ATAD3B: variants seen among roughly 807,000 people sequenced by gnomAD.
ATAD3B encodes ATPase family AAA domain containing 3B.
A neutral mutation model predicts 70.2 loss-of-function variants in ATAD3B; 59 were observed. The observed-to-expected ratio is 0.84, with a 90% confidence interval of 0.68 to 1.04. ATAD3B has a LOEUF of 1.04. ATAD3B is among the 50% of genes least tolerant of loss of function. The pLI is 0.00. For missense variants in ATAD3B, 961 were observed against 913.4 expected (o/e 1.05, Z -0.67); for synonymous variants, 423 against 388.6 (o/e 1.09, Z -1.04).
intron 13 of ATAD3B, chr1:1,489,986 G>A (rs1640444397): frequency 1.1e-5 from 14 of 1,311,362 alleles, no homozygotes; most frequent in Non-Finnish European, 1.4e-5. Flanking sequence ...TCCCGGCACT[G>A]CCTATCAGGC....
chr1:1,481,794 C>T (rs148945468), intron 5 of ATAD3B, among the ~76,000 whole-genome samples: 4,157 of 151,938 alleles, frequency 0.027, 215 homozygotes, highest in African/African-American at 0.094. Flanking sequence ...TGGGCAGGGC[C>T]GGCCTGTGGC....
the ATAD3B span, chr1:1,509,384 G>C: frequency 6.2e-7 from 1 of 1,603,178 alleles, no homozygotes; most frequent in South Asian, 1.1e-5. Flanking sequence ...ACGGAGCCTG[G>C]CCGCGGACCC....
At chr1:1,480,415 C>T (rs1395268231) in intron 4 of ATAD3B, among the ~76,000 whole-genome samples, 3 of 146,554 alleles carry the variant, frequency 2.0e-5, no homozygotes, top group Non-Finnish European at 4.5e-5. Context: ...GGGCGGGTCT[C>T]TGGGTCTATG....
At chr1:1,472,891 T>G (rs1292711802) in intron 1 of ATAD3B, among the ~76,000 whole-genome samples, 5 of 151,918 alleles carry the variant, frequency 3.3e-5, no homozygotes, top group African/African-American at 1.2e-4. Context: ...TGGAGTGCAG[T>G]GGTGCGATTT....
At chr1:1,499,478 G>C (rs11488460), downstream of ATAD3B, among the ~76,000 whole-genome samples, 1 of 145,408 alleles carries the variant, frequency 6.9e-6, no homozygotes, top group Non-Finnish European at 1.5e-5. Flanking sequence ...CTCATGATCC[G>C]CACTCGGCCT....
chr1:1,485,232 C>T lies in ATAD3B; in HGVS notation c.906+61C>T, dbSNP rs1004501504. 107 of 1,589,486 alleles carry T rather than the reference C, an allele frequency of 6.7e-5. 1 individual carries two copies. The highest frequency in any genetic ancestry group is 4.6e-4 in the African/African-American group (34 of 74,608). ...TCCTGGCTGAGTCCCTTCTGCCCCA[C>T]GAGCACAGCCCACGCACACCCTCCC... On this transcript the variant is annotated intron_variant, in intron 8 of 15. Coordinates refer to ENST00000673477, the MANE Select transcript of ATAD3B (RefSeq NM_031921.6).
chr1:1,499,116 T>C (rs1480611235), downstream of ATAD3B, among the ~76,000 whole-genome samples: 3 of 151,036 alleles, frequency 2.0e-5, no homozygotes, highest in Non-Finnish European at 4.4e-5. Context: ...GGACCACAGG[T>C]GCCCGCCACC....
chr1:1,502,204 CT>C (rs903839728), downstream of ATAD3B, among the ~76,000 whole-genome samples: 4 of 147,920 alleles, frequency 2.7e-5, no homozygotes, highest in South Asian at 2.2e-4. Flanking sequence ...TTTACTCTGG[CT>C]TTTTTTTTCT....
At chr1:1,479,745 G>A (rs1639802946) in intron 4 of ATAD3B, among the ~76,000 whole-genome samples, 1 of 138,024 alleles carries the variant, frequency 7.2e-6, no homozygotes, top group South Asian at 2.4e-4. Flanking sequence ...TCACACATAG[G>A]CATGCACACC....
the ATAD3B span, chr1:1,503,693 G>C: frequency 6.2e-7 from 1 of 1,608,256 alleles, no homozygotes; most frequent in Non-Finnish European, 8.5e-7. Context: ...GGGGAGGCCG[G>C]GGCGCACATG....
At chr1:1,509,174 G>A in the ATAD3B span, 14 of 1,608,282 alleles carry the variant, frequency 8.7e-6, no homozygotes, top group South Asian at 6.6e-5. Flanking sequence ...TTCCCATGGC[G>A]GCCTCCCTCA....
rs1640303256 is a variant in ATAD3B at position 1,487,759 on chromosome 1, C to T, written c.1215-104C>T. The T allele has an allele frequency of 1.8e-5, 25 of 1,406,490 alleles. No individual in the cohort carries two copies. The South Asian group carries it at 2.8e-4, about 16-fold the overall frequency. The allele number at this position is 1,406,490 out of a possible 1,614,324, so 87.1% of individuals were successfully genotyped here. On this transcript the variant is annotated intron_variant, in intron 11 of 15. Transcript: ENST00000673477. ...GCTCCTGATGGGGCAGAGCCTGACC[C>T]CGTGGGGATCTGCCTGCCTGGCCTG...
intron 3 of ATAD3B, 92 bp downstream of exon 3, chr1:1,478,837 T>C: frequency 9.6e-7 from 1 of 1,042,978 alleles, no homozygotes. Context: ...CGGGGCACTC[T>C]GGAGTCAGCC....
At position 1,491,159 on chromosome 1, in the gene ATAD3B, C is replaced by T. The variant is rs1056393678; in HGVS notation, c.1614+488C>T. The stretch of plus-strand genomic sequence containing the variant: ...GATTGTCCCACAGTTAGTTGTTCCT[C>T]GGAGGCACCCCTCCTGCTGCTCCTT... On this transcript the variant is annotated intron_variant, in intron 15 of 15. Coordinates refer to ENST00000673477, the MANE Select transcript of ATAD3B (RefSeq NM_031921.6). Among the ~76,000 whole-genome samples the T allele has an allele frequency of 2.6e-4, 40 of 151,926 alleles. 1 individual carries two copies. Among genetic ancestry groups the T allele is most frequent in the African/African-American group, 8.7e-4 (36 of 41,396 alleles).
intron 11 of ATAD3B, among the ~76,000 whole-genome samples, 172 bp downstream of exon 11, chr1:1,486,840 G>T (rs1640248464): frequency 6.7e-6 from 1 of 149,994 alleles, no homozygotes; most frequent in African/African-American, 2.5e-5. Context: ...CCTGAGTGTG[G>T]ACCCTGGTGG....
At chr1:1,485,868 T>C (rs145894390) in intron 9 of ATAD3B, 30 bp downstream of exon 9, 28,459 of 1,609,630 alleles carry the variant, frequency 0.018, 1,238 homozygotes, top group African/African-American at 0.14. Flanking sequence ...ACCGGGGAGG[T>C]GCAGGGAGGG....
downstream of ATAD3B, among the ~76,000 whole-genome samples, chr1:1,502,514 T>C (rs1171338439): frequency 4.1e-3 from 506 of 124,464 alleles, 10 homozygotes; most frequent in African/African-American, 0.015. Context: ...AGCATTTTTT[T>C]TTTTTTTTTT....
chr1:1,478,534 T>C, intron 2 of ATAD3B, 110 bp from the exon 3 acceptor site: 3 of 1,550,056 alleles, frequency 1.9e-6, no homozygotes, highest in Non-Finnish European at 2.6e-6. Flanking sequence ...CTGCACACAC[T>C]AGTCTGGGCA....
chr1:1,507,937 T>A, the ATAD3B span, among the ~76,000 whole-genome samples: 2 of 152,220 alleles, frequency 1.3e-5, no homozygotes, highest in South Asian at 4.1e-4. Flanking sequence ...CACCCGCGAC[T>A]GGGTCTTGCC....
Sources: allele counts gnomAD v4.1 joint callset (sites outside exome capture counted in the v4.1 genomes callset), GRCh38; gene constraint gnomAD v4.1.1; transcripts MANE v1.5; gene names NCBI Gene and HGNC (gene_info 2026-07-23, HGNC 2026-07-21).